The following MOCOS variants were observed in gnomAD, a reference collection of about 807,000 sequenced individuals.
The protein encoded by MOCOS is human molybdenum cofactor sulfurase.
Under a neutral mutation model 83.6 loss-of-function variants are expected in MOCOS, and 86 were observed. The observed-to-expected ratio is 1.03, with a 90% CI of 0.86 to 1.23. The LOEUF (loss-of-function observed/expected upper bound fraction) is 1.23, where lower values mean the gene tolerates loss of function less well. MOCOS is among the 50% of genes most tolerant of loss of function. The pLI, the probability that MOCOS is intolerant of heterozygous loss-of-function variation, is 0.00. For synonymous variants in MOCOS, 445 were observed against 434.7 expected (o/e 1.02, Z -0.29); for missense variants, 1,120 against 1,126.9 (o/e 0.99, Z 0.09).
intron 6 of MOCOS, among the ~76,000 whole-genome samples, chr18:36,206,388 G>A (rs896952124): frequency 2.6e-5 from 4 of 151,246 alleles, no homozygotes; most frequent in Non-Finnish European, 4.4e-5. Context: ...CTGGGACTAC[G>A]GACATGTGCC....
intron 9 of MOCOS, 124 bp downstream of exon 9, chr18:36,220,341 AC>A (rs376883992): frequency 2.2e-4 from 261 of 1,199,506 alleles, no homozygotes; most frequent in South Asian, 1.0e-3. Context: ...CCTCATCTCT[AC>A]AAAAAAAAAA....
chr18:36,221,441 T>C (rs2091495484), intron 9 of MOCOS, among the ~76,000 whole-genome samples: 1 of 152,158 alleles, frequency 6.6e-6, no homozygotes, highest in South Asian at 2.1e-4. Flanking sequence ...GTTGTGGTGC[T>C]GGGTTAAAAA....
At chr18:36,264,003 C>T (rs533590024) in intron 13 of MOCOS, among the ~76,000 whole-genome samples, 2 of 152,096 alleles carry the variant, frequency 1.3e-5, no homozygotes, top group South Asian at 2.1e-4. Context: ...ATGCAGAACC[C>T]GTCTCTACTA....
At chr18:36,196,557 T>A (rs970428654) in intron 2 of MOCOS, among the ~76,000 whole-genome samples, 2 of 152,160 alleles carry the variant, frequency 1.3e-5, no homozygotes, top group Non-Finnish European at 2.9e-5. Context: ...GGGTTTGGAT[T>A]TTGGCTCTGG....
intron 11 of MOCOS, 137 bp downstream of exon 11, chr18:36,251,420 C>T: frequency 8.3e-7 from 1 of 1,207,278 alleles, no homozygotes; most frequent in Non-Finnish European, 1.2e-6. Context: ...TTAGCAGAAA[C>T]CTACTGCAGT....
At chr18:36,262,008 C>G (rs941936277) in intron 13 of MOCOS, among the ~76,000 whole-genome samples, 1 of 152,022 alleles carries the variant, frequency 6.6e-6, no homozygotes, top group African/African-American at 2.4e-5. Context: ...CCAGGTATCT[C>G]GAGACATAAA....
rs547870783 is a variant in MOCOS at position 36,252,075 on chromosome 18, GT to G, written c.2164+799del. ...TCTATGAGGATAGGGATTGTTGCCT[GT>G]TTTTTTCAGTGCTGTCTCCCCATGC... On this transcript the variant is annotated intron_variant, in intron 11 of 14. Transcript: ENST00000261326. Among the ~76,000 whole-genome samples the G allele has an allele frequency of 1.2e-4, 18 of 152,196 alleles. 2 individuals carry two copies. The East Asian group carries it at 3.3e-3, about 28-fold the overall frequency.
At position 36,248,886 on chromosome 18, in the gene MOCOS, A is replaced by G. The variant is rs140947210; in HGVS notation, c.1961-36A>G. The stretch of plus-strand genomic sequence containing the variant: ...GAAGTCAAGTAGCTGTTGTTTTTAC[A>G]TAATGATAAATTTGTTTTTAACCTT... On this transcript the variant is annotated intron_variant, in intron 9 of 14. Transcript: ENST00000261326. 5.1e-3 allele frequency: 7,932 copies of G among 1,554,702 alleles called. 26 individuals carry two copies. The highest frequency in any genetic ancestry group is 6.5e-3 in the Non-Finnish European group (7,295 of 1,126,616).
intron 9 of MOCOS, among the ~76,000 whole-genome samples, chr18:36,242,190 T>G (rs2091586321): frequency 6.6e-6 from 1 of 152,186 alleles, no homozygotes; most frequent in African/African-American, 2.4e-5. Flanking sequence ...CCTCCCCTTT[T>G]AAATATAAGT....
At chr18:36,264,170 A>G (rs1240865823) in intron 13 of MOCOS, among the ~76,000 whole-genome samples, 1 of 152,124 alleles carries the variant, frequency 6.6e-6, no homozygotes, top group East Asian at 1.9e-4. Context: ...TAAGAGTGAA[A>G]CTTCACCTCA....
chr18:36,229,197 A>G (rs1206549731), intron 9 of MOCOS, among the ~76,000 whole-genome samples: 1 of 152,156 alleles, frequency 6.6e-6, no homozygotes, highest in African/African-American at 2.4e-5. Flanking sequence ...TTAGTGTCCT[A>G]TAGTTTCCAC....
At chr18:36,210,371 C>T (rs1343551490) in intron 6 of MOCOS, among the ~76,000 whole-genome samples, 2 of 152,122 alleles carry the variant, frequency 1.3e-5, no homozygotes, top group African/African-American at 4.8e-5. Context: ...GGCAGCTGTG[C>T]AGACCCCTTG....
intron 9 of MOCOS, among the ~76,000 whole-genome samples, chr18:36,232,262 A>G (rs2091541213): frequency 6.6e-6 from 1 of 152,240 alleles, no homozygotes; most frequent in African/African-American, 2.4e-5. Flanking sequence ...GGTATGAGCC[A>G]CCATGCCTGA....
At chr18:36,253,110 G>A (rs2091628026) in intron 11 of MOCOS, among the ~76,000 whole-genome samples, 1 of 152,134 alleles carries the variant, frequency 6.6e-6, no homozygotes, top group South Asian at 2.1e-4. Context: ...GGAGAAGTGA[G>A]CAGCAGTGAA....
At chr18:36,264,338 A>C (rs1275834296) in intron 13 of MOCOS, among the ~76,000 whole-genome samples, 1 of 152,150 alleles carries the variant, frequency 6.6e-6, no homozygotes. Context: ...GGCTGGTGCA[A>C]GCTGCAGGGC....
At chr18:36,237,730 TG>T (rs2091564951) in intron 9 of MOCOS, among the ~76,000 whole-genome samples, 1 of 151,898 alleles carries the variant, frequency 6.6e-6, no homozygotes, top group East Asian at 1.9e-4. Flanking sequence ...CTTGTACCTG[TG>T]GTAGAATTCG....
intron 13 of MOCOS, among the ~76,000 whole-genome samples, chr18:36,264,763 A>G (rs2091675933): frequency 6.6e-6 from 1 of 152,018 alleles, no homozygotes. Context: ...GCAGAATGTG[A>G]GCGTCAACCT....
At chr18:36,216,052 G>T in intron 8 of MOCOS, 75 bp downstream of exon 8, 1 of 1,425,512 alleles carries the variant, frequency 7.0e-7, no homozygotes. Flanking sequence ...GTGAAGAAAA[G>T]CATGAAAAAA....
At position 36,266,461 on chromosome 18, in the gene MOCOS, T is replaced by C. The variant is rs1043633096; in HGVS notation, c.2410-288T>C. 3.9e-5 allele frequency among the ~76,000 whole-genome samples: 6 copies of C among 152,098 alleles called. No individual in the cohort carries two copies. The East Asian group carries it at 1.2e-3, about 29-fold the overall frequency. On this transcript the variant is annotated intron_variant, in intron 13 of 14. Coordinates refer to ENST00000261326, the MANE Select transcript of MOCOS (RefSeq NM_017947.4). The stretch of plus-strand genomic sequence containing the variant: ...TCTGCAACTTTTCTCTTTTTCCAAT[T>C]TGTCTTCCCAGTCACTGAGTGCTTT...
Sources: gnomAD v4.1 joint callset for allele counts (sites outside exome capture counted in the v4.1 genomes callset) on GRCh38, gnomAD v4.1.1 for gene constraint, MANE v1.5 for transcripts, NCBI Gene and HGNC (gene_info 2026-07-23, HGNC 2026-07-21) for gene names.